Variants in SOAT1 observed in about 807,000 individuals in gnomAD.
SOAT1 encodes the protein sterol O-acyltransferase 1.
A neutral mutation model predicts 69.5 loss-of-function variants in SOAT1; 55 were observed. The ratio of observed to expected loss-of-function variants is 0.79; its 90% CI spans 0.64 to 0.99. The LOEUF is 0.99. Ranked by LOEUF, SOAT1 falls within the 50% of genes least tolerant of loss-of-function variation. The pLI is 0.00. For missense variants in SOAT1, 580 were observed against 669.3 expected (o/e 0.87, Z 1.47); for synonymous variants, 231 against 224.7 (o/e 1.03, Z -0.25).
At chr1:179,318,807 T>C (rs535190215) in intron 2 of SOAT1, among the ~76,000 whole-genome samples, 58 of 152,390 alleles carry the variant, frequency 3.8e-4, no homozygotes, top group African/African-American at 1.3e-3. Context: ...TTTTGGTTTA[T>C]TGTTAATCCA....
At chr1:179,302,981 T>C (rs2493121) in intron 2 of SOAT1, among the ~76,000 whole-genome samples, 179 bp downstream of exon 2, 1 of 152,056 alleles carries the variant, frequency 6.6e-6, no homozygotes, top group Admixed American at 6.5e-5. Context: ...AATTTGGTGG[T>C]CATCTATTGG....
chr1:179,338,090 A>G (rs902572197), intron 5 of SOAT1, among the ~76,000 whole-genome samples, 194 bp downstream of exon 5: 3 of 151,998 alleles, frequency 2.0e-5, no homozygotes, highest in African/African-American at 7.3e-5. Context: ...GGAGTTAGGG[A>G]TAAGAATGGT....
intron 3 of SOAT1, among the ~76,000 whole-genome samples, chr1:179,334,429 G>C (rs970487001): frequency 2.0e-5 from 3 of 152,072 alleles, no homozygotes; most frequent in Non-Finnish European, 2.9e-5. Flanking sequence ...AGATATGTGG[G>C]GGGAGTGTGT....
chr1:179,311,570 G>T (rs1665222423), intron 2 of SOAT1, among the ~76,000 whole-genome samples: 1 of 141,370 alleles, frequency 7.1e-6, no homozygotes, highest in Non-Finnish European at 1.5e-5. Context: ...TCTTCAAAAG[G>T]ACTGTTTTTA....
At chr1:179,323,374 T>C (rs1665672697) in intron 2 of SOAT1, 63 bp from the exon 3 acceptor site, 8 of 1,356,546 alleles carry the variant, frequency 5.9e-6, no homozygotes, top group Non-Finnish European at 8.3e-6. Context: ...CTTTATGATT[T>C]AGACAGTGCT....
intron 2 of SOAT1, among the ~76,000 whole-genome samples, chr1:179,306,582 C>T (rs1277984033): frequency 6.6e-6 from 1 of 151,996 alleles, no homozygotes; most frequent in African/African-American, 2.4e-5. Flanking sequence ...CCTGTAATCC[C>T]AGCATTTTGG....
At chr1:179,298,002 C>A (rs372695812) in intron 1 of SOAT1, among the ~76,000 whole-genome samples, 27 of 143,048 alleles carry the variant, frequency 1.9e-4, no homozygotes, top group African/African-American at 2.6e-4. Flanking sequence ...AACTCTGTCT[C>A]AAAAAAAAAA....
At chr1:179,327,412 A>G (rs1173622650) in intron 3 of SOAT1, among the ~76,000 whole-genome samples, 2 of 152,164 alleles carry the variant, frequency 1.3e-5, no homozygotes, top group Non-Finnish European at 2.9e-5. Context: ...TTTTAGCTCT[A>G]AAGGTTTACG....
chr1:179,337,012 A>G (rs1666183812), intron 4 of SOAT1, among the ~76,000 whole-genome samples: 1 of 151,610 alleles, frequency 6.6e-6, no homozygotes, highest in Non-Finnish European at 1.5e-5. Context: ...AAAAAATCAT[A>G]TCATTACGTG....
At chr1:179,325,213 G>A (rs746086123) in intron 3 of SOAT1, among the ~76,000 whole-genome samples, 3 of 148,774 alleles carry the variant, frequency 2.0e-5, no homozygotes, top group Admixed American at 1.4e-4. Flanking sequence ...GCAGTGGCGC[G>A]ATCTCGGCTC....
At chr1:179,326,623 T>C (rs930751613) in intron 3 of SOAT1, among the ~76,000 whole-genome samples, 11 of 146,790 alleles carry the variant, frequency 7.5e-5, no homozygotes, top group African/African-American at 2.5e-4. Flanking sequence ...AGTAGCACGA[T>C]CTCTGATCAC....
At chr1:179,319,683 C>G (rs140959660) in intron 2 of SOAT1, among the ~76,000 whole-genome samples, 76 of 152,242 alleles carry the variant, frequency 5.0e-4, no homozygotes, top group African/African-American at 1.7e-3. Context: ...GTGGCACATT[C>G]TTGGCTTACT....
In SOAT1 at chr1:179,345,064, T is replaced by G; in HGVS notation, c.1105T>G (p.Ser369Ala). The change falls in exon 11 of 16, where the codon TCC (serine) becomes GCC (alanine). Residue 369 changes from serine to alanine, a missense_variant. Ser to Ala is a moderately conservative substitution (Grantham distance 99, BLOSUM62 1). Transcript: ENST00000367619. ...TGTTCTGGTCCTATGTGTATTTAAC[T>G]CCATCTTGCCAGGTAACATGGGTAC... ...ARVLVLCVFN[S>A]ILPGVLILFL... The G allele has an allele frequency of 2.5e-6, 4 of 1,613,920 alleles. No homozygotes were observed. The highest frequency in any genetic ancestry group is 3.4e-6 in the Non-Finnish European group (4 of 1,179,892).
In SOAT1 at chr1:179,356,716, A is replaced by C. The variant is rs1666920453; in HGVS notation, c.*3075A>C. On this transcript the variant is annotated 3_prime_UTR_variant, in exon 16 of 16. Transcript: ENST00000367619. ...TCATACTTTGTTTTTGTTTTTAAAGAGACAGGGTCTCACTCTGTTGCCCAG... is the reference window on the plus strand; with the variant it reads ...TCATACTTTGTTTTTGTTTTTAAAGCGACAGGGTCTCACTCTGTTGCCCAG... 1 of 152,056 alleles carries C rather than the reference A, an allele frequency of 6.6e-6. No individual in the cohort carries two copies. Among genetic ancestry groups the C allele is most frequent in the Non-Finnish European group, 1.5e-5 (1 of 68,062 alleles). The allele number at this position is 152,056 out of a possible 1,614,324, so 9.4% of individuals were successfully genotyped here.
intron 15 of SOAT1, among the ~76,000 whole-genome samples, chr1:179,352,627 G>A (rs1275804278): frequency 1.6e-5 from 2 of 126,450 alleles, no homozygotes; most frequent in Non-Finnish European, 3.4e-5. Flanking sequence ...TAAATTTGGT[G>A]GCCCTACTAA....
chr1:179,296,261 G>T (rs182898332), intron 1 of SOAT1, among the ~76,000 whole-genome samples: 88 of 152,204 alleles, frequency 5.8e-4, no homozygotes, highest in Admixed American at 9.8e-4. Context: ...GAGCCACTGT[G>T]CCCAGCCTGT....
intron 13 of SOAT1, among the ~76,000 whole-genome samples, chr1:179,349,570 G>A (rs917483007): frequency 9.2e-5 from 14 of 151,880 alleles, no homozygotes; most frequent in African/African-American, 3.1e-4. Flanking sequence ...TAGGTGATCC[G>A]CCCGCCTCAG....
rs552112267 is a variant in SOAT1 at position 179,357,238 on chromosome 1, C to T, written c.*3597C>T. On this transcript the variant is annotated 3_prime_UTR_variant, in exon 16 of 16. Coordinates refer to ENST00000367619, the MANE Select transcript of SOAT1 (RefSeq NM_003101.6). ...GTTTGTTTGTTTTGAGACGGAGTCT[C>T]AGTCACCAGGCTGGAGTGCAGTGCT... is the stretch of plus-strand genomic sequence containing the variant. 23 of 159,554 alleles carry T rather than the reference C, an allele frequency of 1.4e-4. No individual in the cohort carries two copies. The highest frequency in any genetic ancestry group is 2.3e-4 in the Non-Finnish European group (17 of 74,016). 9.9% of individuals were successfully genotyped at this position (159,554 alleles called of 1,614,324 possible).
intron 2 of SOAT1, among the ~76,000 whole-genome samples, chr1:179,314,363 G>T (rs1377581750): frequency 6.6e-6 from 1 of 152,126 alleles, no homozygotes; most frequent in Non-Finnish European, 1.5e-5. Context: ...CTTTTCTTCT[G>T]TGTAGCTTTG....
Sources: allele counts gnomAD v4.1 joint callset (sites outside exome capture counted in the v4.1 genomes callset), GRCh38; gene constraint gnomAD v4.1.1; transcripts MANE v1.5; gene names NCBI Gene and HGNC (gene_info 2026-07-23, HGNC 2026-07-21).